Variants in CSMD1 observed in about 807,000 individuals in gnomAD.
The protein encoded by CSMD1 is CUB and sushi domain-containing protein 1.
CSMD1 carries 213 observed loss-of-function variants against 417.5 expected under a neutral mutation model. That is an observed-to-expected ratio of 0.51 (90% CI 0.46 to 0.57). The LOEUF is 0.57. Among genes scored for constraint, CSMD1 ranks in the 20% least tolerant of loss-of-function variants. The pLI is 0.00. For missense variants in CSMD1, 6,923 were observed against 4,529.7 expected (o/e 1.53, Z -15.17); for synonymous variants, 2,862 against 1,736.8 (o/e 1.65, Z -16.11).
At chr8:3,779,817 T>C (rs1445867808) in intron 5 of CSMD1, among the ~76,000 whole-genome samples, 3 of 152,232 alleles carry the variant, frequency 2.0e-5, no homozygotes, top group African/African-American at 7.2e-5. Context: ...AGCTGAGACA[T>C]ATTTAATAGG....
At chr8:4,054,489 T>A (rs1009439426) in intron 3 of CSMD1, among the ~76,000 whole-genome samples, 1 of 151,972 alleles carries the variant, frequency 6.6e-6, no homozygotes, top group African/African-American at 2.4e-5. Flanking sequence ...TTTGGAAGCT[T>A]TTGTCATGTC....
In CSMD1 at chr8:4,364,000, C is replaced by A. The variant is rs529513643; in HGVS notation, c.415+55953G>T. ...TTTGCTAGCATAACAGGTTGACTGACTGTAGTCAATAATTTAATTGTACTT... is the reference window on the plus strand; with the variant it reads ...TTTGCTAGCATAACAGGTTGACTGAATGTAGTCAATAATTTAATTGTACTT... On this transcript the variant is annotated intron_variant, in intron 3 of 69. Coordinates refer to ENST00000635120, the MANE Select transcript of CSMD1 (RefSeq NM_033225.6). 3.3e-5 allele frequency among the ~76,000 whole-genome samples: 5 copies of A among 152,244 alleles called. No homozygotes were observed. In the South Asian group the frequency reaches 1.0e-3, roughly 32 times the overall value.
At chr8:3,059,080 G>C (rs1812417911) in intron 49 of CSMD1, among the ~76,000 whole-genome samples, 1 of 151,824 alleles carries the variant, frequency 6.6e-6, no homozygotes, top group Non-Finnish European at 1.5e-5. Flanking sequence ...CCCCGCATGT[G>C]TCTCCTCACT....
At chr8:3,792,716 G>A (rs1465150999) in intron 5 of CSMD1, among the ~76,000 whole-genome samples, 1 of 152,182 alleles carries the variant, frequency 6.6e-6, no homozygotes, top group South Asian at 2.1e-4. Context: ...AGTCAAGTTG[G>A]TGAAAGAGTT....
intron 3 of CSMD1, among the ~76,000 whole-genome samples, chr8:4,292,233 T>C (rs1206798972): frequency 1.3e-5 from 2 of 151,986 alleles, no homozygotes; most frequent in Non-Finnish European, 2.9e-5. Context: ...CCAAAGAATT[T>C]TGTTGTCGTC....
At chr8:4,457,441 A>G (rs865902982) in intron 2 of CSMD1, among the ~76,000 whole-genome samples, 1 of 152,116 alleles carries the variant, frequency 6.6e-6, no homozygotes, top group African/African-American at 2.4e-5. Context: ...AAAAACAAAC[A>G]TAATGCATTG....
chr8:4,816,129 C>A (rs1001691693), intron 1 of CSMD1, among the ~76,000 whole-genome samples: 1 of 152,008 alleles, frequency 6.6e-6, no homozygotes, highest in Non-Finnish European at 1.5e-5. Flanking sequence ...CATCAGACTT[C>A]AAGTTTGTCT....
chr8:3,571,932 T>G (rs951749448), intron 10 of CSMD1, among the ~76,000 whole-genome samples: 2 of 152,186 alleles, frequency 1.3e-5, no homozygotes, highest in Non-Finnish European at 2.9e-5. Context: ...AGAAGTGAAG[T>G]TACTGCGTGT....
intron 3 of CSMD1, among the ~76,000 whole-genome samples, chr8:4,181,074 C>T (rs1178104054): frequency 6.6e-6 from 1 of 152,186 alleles, no homozygotes; most frequent in South Asian, 2.1e-4. Flanking sequence ...GAAAATAGGA[C>T]AACAGACCTA....
intron 1 of CSMD1, among the ~76,000 whole-genome samples, chr8:4,728,184 T>G (rs531761158): frequency 8.1e-5 from 12 of 147,648 alleles, no homozygotes; most frequent in Admixed American, 2.7e-4. Flanking sequence ...ATTTGGCATT[T>G]ATATATTCGT....
intron 12 of CSMD1, among the ~76,000 whole-genome samples, chr8:3,421,277 G>C (rs1254186488): frequency 6.6e-6 from 1 of 152,200 alleles, no homozygotes; most frequent in Admixed American, 6.5e-5. Context: ...GATTGGCCCT[G>C]AGTAGGTCCT....
intron 45 of CSMD1, among the ~76,000 whole-genome samples, chr8:3,107,503 A>T (rs953871063): frequency 2.0e-5 from 3 of 152,226 alleles, no homozygotes; most frequent in Non-Finnish European, 2.9e-5. Flanking sequence ...AAACAAAAAA[A>T]AATCATGGTA....
chr8:4,151,948 A>G (rs1348475616), intron 3 of CSMD1, among the ~76,000 whole-genome samples: 6 of 152,156 alleles, frequency 3.9e-5, no homozygotes, highest in Admixed American at 3.3e-4. Context: ...CATAAAATCA[A>G]TGGGAGGTGT....
chr8:3,786,506 G>C (rs549768449), intron 5 of CSMD1, among the ~76,000 whole-genome samples: 3 of 152,192 alleles, frequency 2.0e-5, no homozygotes, highest in Non-Finnish European at 2.9e-5. Context: ...CAACCTAGGA[G>C]TGGGTGAGAG....
chr8:3,399,590 T>G (rs979899963), intron 15 of CSMD1, 61 bp from the exon 16 acceptor site: 1 of 1,307,452 alleles, frequency 7.6e-7, no homozygotes, highest in Non-Finnish European at 1.0e-6. Context: ...GCCATAACAA[T>G]ACCCGGATAA....
chr8:4,994,721 C>T lies in CSMD1; in HGVS notation c.-305G>A. ...GGAAGGCACCAAGGCGGCGAGGCTG[C>T]GGGAGGGGGAGAAGCGGGGAGAGGA... is the stretch of plus-strand genomic sequence containing the variant. On this transcript the variant is annotated 5_prime_UTR_variant, in exon 1 of 70. Coordinates refer to ENST00000635120, the MANE Select transcript of CSMD1 (RefSeq NM_033225.6). The T allele has an allele frequency of 3.2e-6, 1 of 308,044 alleles. No individual in the cohort carries two copies. Among genetic ancestry groups the T allele is most frequent in the Non-Finnish European group, 6.0e-6 (1 of 168,004 alleles). 19.1% of individuals were successfully genotyped at this position (308,044 alleles called of 1,614,324 possible). A position where few individuals can be genotyped will look rare whatever the true frequency, so the allele number is the denominator to read the frequency against.
At chr8:3,235,896 C>A (rs1394051835) in intron 26 of CSMD1, among the ~76,000 whole-genome samples, 4 of 148,876 alleles carry the variant, frequency 2.7e-5, no homozygotes, top group African/African-American at 9.9e-5. Flanking sequence ...CGAGTTTATG[C>A]CAGTTATATG....
chr8:4,620,135 C>A lies in CSMD1; in HGVS notation c.302+17207G>T, dbSNP rs928407823. Among the ~76,000 whole-genome samples, 41 of 151,578 alleles carry A rather than the reference C, an allele frequency of 2.7e-4. 1 individual carries two copies. Among genetic ancestry groups the A allele is most frequent in the Non-Finnish European group, 7.4e-5 (5 of 67,780 alleles). On this transcript the variant is annotated intron_variant, in intron 2 of 69. Coordinates refer to ENST00000635120, the MANE Select transcript of CSMD1 (RefSeq NM_033225.6). ...CAGTTATAGGAGTATACATTTTTCC[C>A]TTTTTAAGAGTAGGACTATAAAGAT... is the stretch of plus-strand genomic sequence containing the variant.
chr8:2,970,675 C>A (rs1448464036), intron 57 of CSMD1, among the ~76,000 whole-genome samples: 1 of 152,104 alleles, frequency 6.6e-6, no homozygotes, highest in Non-Finnish European at 1.5e-5. Context: ...GATCCAGAAC[C>A]AAGACTTTGT....
Sources: gnomAD v4.1 joint callset for allele counts (sites outside exome capture counted in the v4.1 genomes callset) on GRCh38, gnomAD v4.1.1 for gene constraint, MANE v1.5 for transcripts, NCBI Gene and HGNC (gene_info 2026-07-23, HGNC 2026-07-21) for gene names.